Variants in FMNL2 observed in about 807,000 individuals in gnomAD.
The protein encoded by FMNL2 is formin-like protein 2.
FMNL2 carries 51 observed loss-of-function variants against 130.2 expected under a neutral mutation model. The observed-to-expected ratio is 0.39, with a 90% CI of 0.31 to 0.49. FMNL2 has a LOEUF of 0.49. Among genes scored for constraint, FMNL2 ranks in the 20% least tolerant of loss-of-function variants. FMNL2 has a pLI of 0.85. For synonymous variants in FMNL2, 465 were observed against 467.1 expected, an observed-to-expected ratio of 1.00 and a Z score of 0.06; for missense variants, 977 against 1,316.2, an observed-to-expected ratio of 0.74 and a Z score of 3.99.
chr2:152,547,223 G>A (rs922525580), intron 3 of FMNL2, among the ~76,000 whole-genome samples: 5 of 152,128 alleles, frequency 3.3e-5, no homozygotes, highest in Non-Finnish European at 5.9e-5. Flanking sequence ...GATTACAGGC[G>A]TGAGCCACTG....
chr2:152,573,582 C>A (rs1439947053), intron 6 of FMNL2, among the ~76,000 whole-genome samples: 1 of 152,182 alleles, frequency 6.6e-6, no homozygotes, highest in Admixed American at 6.5e-5. Context: ...GATACCATAG[C>A]TCTTCAGTGC....
At chr2:152,645,019 G>A in intron 25 of FMNL2, among the ~76,000 whole-genome samples, 1 of 152,198 alleles carries the variant, frequency 6.6e-6, no homozygotes, top group East Asian at 1.9e-4. Context: ...TGTTTATTTT[G>A]TGGCATAACT....
intron 1 of FMNL2, among the ~76,000 whole-genome samples, chr2:152,406,399 G>T (rs1685983900): frequency 6.7e-6 from 1 of 149,864 alleles, no homozygotes; most frequent in Non-Finnish European, 1.5e-5. Context: ...GTAGAGAAAA[G>T]AATCAGAGGA....
At chr2:152,607,992 ACAGCAGTCCTGT>A (rs1698468505) in intron 10 of FMNL2, among the ~76,000 whole-genome samples, 1 of 152,152 alleles carries the variant, frequency 6.6e-6, no homozygotes, top group African/African-American at 2.4e-5. Context: ...ATGCGGTTCC[ACAGCAGTCCTGT>A]CATTCTCGGG....
chr2:152,512,794 A>G (rs1692558888), intron 1 of FMNL2, among the ~76,000 whole-genome samples: 1 of 152,224 alleles, frequency 6.6e-6, no homozygotes, highest in Non-Finnish European at 1.5e-5. Flanking sequence ...GATGGAGCCC[A>G]AAATCAAGGA....
intron 1 of FMNL2, among the ~76,000 whole-genome samples, chr2:152,422,023 T>C (rs1310494764): frequency 6.6e-6 from 1 of 152,194 alleles, no homozygotes; most frequent in African/African-American, 2.4e-5. Flanking sequence ...CAAAATAAAC[T>C]GTTTTAGGCC....
rs114563578 is a variant in FMNL2, at chr2:152,390,293, C to A, written c.117+54573C>A. 7.6e-6 allele frequency: 10 copies of A among 1,312,392 alleles called. No homozygotes were observed. The South Asian group carries it at 9.4e-5, about 12-fold the overall frequency. 81.3% of individuals were successfully genotyped at this position (1,312,392 alleles called of 1,614,324 possible). ...GGCTCAAGGGGCAGCCAGCAATCATCGATGGGGAGCTCTACAACGAAGTGA... is the reference window on the plus strand; with the variant it reads ...GGCTCAAGGGGCAGCCAGCAATCATAGATGGGGAGCTCTACAACGAAGTGA... On this transcript the variant is annotated intron_variant, in intron 1 of 25. Coordinates refer to ENST00000288670, the MANE Select transcript of FMNL2 (RefSeq NM_052905.4).
intron 3 of FMNL2, among the ~76,000 whole-genome samples, chr2:152,547,810 G>A (rs1694725738): frequency 6.6e-6 from 1 of 152,178 alleles, no homozygotes; most frequent in African/African-American, 2.4e-5. Flanking sequence ...GCTCTTTCCT[G>A]TAAACAGTGT....
chr2:152,335,629 C>T lies in FMNL2; in HGVS notation c.26C>T (p.Ser9Leu). 6.3e-7 allele frequency: 1 copy of T among 1,592,358 alleles called. No individual in the cohort carries two copies. Among genetic ancestry groups the T allele is most frequent in the Non-Finnish European group, 8.6e-7 (1 of 1,169,360 alleles). ...ATGGGCAACGCAGGGAGCATGGATT[C>T]GCAGCAGACCGATTTCAGGGCGCAC... The part of the protein sequence containing the change: MGNAGSMD[S>L]QQTDFRAHNV... Residue 9 changes from serine (S) to leucine (L), a missense_variant, in exon 1 of 26, where the codon TCG (serine) becomes TTG (leucine). Ser to Leu is a moderately radical substitution (Grantham distance 145). Coordinates refer to ENST00000288670, the MANE Select transcript of FMNL2 (RefSeq NM_052905.4).
intron 1 of FMNL2, among the ~76,000 whole-genome samples, chr2:152,481,193 C>T (rs1690500447): frequency 6.6e-6 from 1 of 152,220 alleles, no homozygotes; most frequent in African/African-American, 2.4e-5. Context: ...AAAATTTCTT[C>T]TAAGCAGAAG....
At chr2:152,429,562 G>T (rs1394838856) in intron 1 of FMNL2, among the ~76,000 whole-genome samples, 14 of 151,580 alleles carry the variant, frequency 9.2e-5, no homozygotes, top group African/African-American at 3.1e-4. Context: ...AATTAATGTG[G>T]TTGGTATTTA....
At chr2:152,573,758 A>G (rs1696312447) in intron 6 of FMNL2, among the ~76,000 whole-genome samples, 1 of 152,264 alleles carries the variant, frequency 6.6e-6, no homozygotes, top group Non-Finnish European at 1.5e-5. Context: ...TACATTTTAG[A>G]AAAACTTTAG....
chr2:152,507,667 G>C (rs1451996086), intron 1 of FMNL2, among the ~76,000 whole-genome samples: 4 of 152,122 alleles, frequency 2.6e-5, no homozygotes, highest in African/African-American at 9.7e-5. Context: ...TTTACCTGAA[G>C]ACTAGAATCT....
At position 152,619,552 on chromosome 2, in the gene FMNL2, G is replaced by GCCACCCCCCCCCCCCCC; in HGVS notation, c.1673_1674insACCCCCCCCCCCCCCCC (p.Pro565LeufsTer29). ...CACCACCTATGCCACCGCCGCCGCCGCCCCCTCCTCCACCTCCTCCTCCCC... is the reference window on the plus strand; with the variant it reads ...CACCACCTATGCCACCGCCGCCGCCGCCACCCCCCCCCCCCCCCCCCCTCCTCCACCTCCTCCTCCCC... On this transcript the variant is annotated frameshift_variant, in exon 15 of 26. Coordinates refer to ENST00000288670, the MANE Select transcript of FMNL2 (RefSeq NM_052905.4). LOFTEE classifies it high-confidence loss of function. 7.1e-6 allele frequency: 10 copies of GCCACCCCCCCCCCCCCC among 1,417,664 alleles called. No homozygotes were observed. Among genetic ancestry groups the GCCACCCCCCCCCCCCCC allele is most frequent in the Admixed American group, 4.5e-5 (2 of 44,686 alleles). 87.8% of individuals were successfully genotyped at this position (1,417,664 alleles called of 1,614,324 possible). A position where few individuals can be genotyped will look rare whatever the true frequency, so the allele number is the denominator to read the frequency against.
intron 23 of FMNL2, among the ~76,000 whole-genome samples, chr2:152,638,889 C>T (rs760982433): frequency 2.6e-5 from 4 of 152,182 alleles, no homozygotes; most frequent in East Asian, 1.9e-4. Flanking sequence ...ATTTTAAAAT[C>T]GGCTAAGACA....
intron 2 of FMNL2, among the ~76,000 whole-genome samples, chr2:152,530,175 A>C (rs1438170145): frequency 6.6e-6 from 1 of 152,222 alleles, no homozygotes; most frequent in Non-Finnish European, 1.5e-5. Flanking sequence ...ACTTGAGGAC[A>C]CTGAGGTTGA....
chr2:152,616,152 G>A (rs1698933201), intron 12 of FMNL2, among the ~76,000 whole-genome samples: 1 of 151,958 alleles, frequency 6.6e-6, no homozygotes, highest in Admixed American at 6.6e-5. Context: ...ATCAGAAGTT[G>A]CTCAGTGTTA....
At chr2:152,630,005 T>C in intron 20 of FMNL2, 100 bp downstream of exon 20, 2 of 1,079,400 alleles carry the variant, frequency 1.9e-6, no homozygotes, top group South Asian at 1.6e-5. Flanking sequence ...TATTTTCTGC[T>C]ATGGGAGGAT....
chr2:152,449,832 ACAT>A (rs1688537589), intron 1 of FMNL2, among the ~76,000 whole-genome samples: 1 of 152,258 alleles, frequency 6.6e-6, no homozygotes, highest in Non-Finnish European at 1.5e-5. Context: ...TAATGTGGCT[ACAT>A]GTTTGACAGA....
Sources: allele counts gnomAD v4.1 joint callset (sites outside exome capture counted in the v4.1 genomes callset), GRCh38; gene constraint gnomAD v4.1.1; transcripts MANE v1.5; gene names NCBI Gene and HGNC (gene_info 2026-07-23, HGNC 2026-07-21).